The following NDRG1 variants were observed in gnomAD, a reference collection of about 807,000 sequenced individuals.
The protein encoded by NDRG1 is N-myc downstream regulated 1.
Under a neutral mutation model 56.9 loss-of-function variants are expected in NDRG1, and 32 were observed. That is an observed-to-expected ratio of 0.56 (90% CI 0.42 to 0.76). NDRG1 has a LOEUF of 0.76. Among genes scored for constraint, NDRG1 ranks in the 30% least tolerant of loss-of-function variants. The pLI, the probability that NDRG1 is intolerant of heterozygous loss-of-function variation, is 0.00. For synonymous variants in NDRG1, 211 were observed against 204.1 expected, an observed-to-expected ratio of 1.03 and a Z score of -0.29; for missense variants, 507 against 545.7, an observed-to-expected ratio of 0.93 and a Z score of 0.71.
intron 1 of NDRG1, among the ~76,000 whole-genome samples, chr8:133,295,922 C>T (rs1039481051): frequency 1.3e-5 from 2 of 152,128 alleles, no homozygotes; most frequent in African/African-American, 4.8e-5. Flanking sequence ...ACCAAGGGCC[C>T]TGCCTCCCCC....
At position 133,268,690 on chromosome 8, in the gene NDRG1, T is replaced by C. The variant is rs147656392; in HGVS notation, c.100-4038A>G. Among the ~76,000 whole-genome samples, 5 of 152,258 alleles carry C rather than the reference T, an allele frequency of 3.3e-5. No individual in the cohort carries two copies. The East Asian group carries it at 9.6e-4, about 29-fold the overall frequency. Reference sequence around the variant, plus strand: ...GGACTCTCCCAAGGTCATAGGTTTGTGGTGGTAGAACTAGGATTCGAACTC... The same window carrying C: ...GGACTCTCCCAAGGTCATAGGTTTGCGGTGGTAGAACTAGGATTCGAACTC... On this transcript the variant is annotated intron_variant, in intron 3 of 15. Coordinates refer to ENST00000323851, the MANE Select transcript of NDRG1 (RefSeq NM_006096.4).
chr8:133,280,625 G>A (rs963374213), intron 2 of NDRG1, among the ~76,000 whole-genome samples: 3 of 151,844 alleles, frequency 2.0e-5, no homozygotes, highest in African/African-American at 2.4e-5. Flanking sequence ...TAGTAGAGAC[G>A]GGATTTCACC....
At chr8:133,289,676 G>A (rs895238098) in intron 1 of NDRG1, among the ~76,000 whole-genome samples, 7 of 152,156 alleles carry the variant, frequency 4.6e-5, no homozygotes, top group African/African-American at 1.4e-4. Context: ...AACGTGACCC[G>A]TGACCCTGGG....
intron 9 of NDRG1, among the ~76,000 whole-genome samples, chr8:133,250,944 G>GT (rs147971417): frequency 0.018 from 2,693 of 149,580 alleles, 43 homozygotes; most frequent in Non-Finnish European, 0.03. Context: ...GAGAGAGAAT[G>GT]TTGCCTACTT....
intron 6 of NDRG1, 95 bp downstream of exon 6, chr8:133,259,073 T>A: frequency 7.5e-7 from 1 of 1,330,908 alleles, no homozygotes; most frequent in Non-Finnish European, 1.1e-6. Context: ...CAACCTTAAT[T>A]TTAGTGGTCA....
At chr8:133,292,016 T>C (rs1858457537) in intron 1 of NDRG1, among the ~76,000 whole-genome samples, 1 of 152,150 alleles carries the variant, frequency 6.6e-6, no homozygotes, top group Non-Finnish European at 1.5e-5. Context: ...AACCGAGATC[T>C]TCCTGGAGAT....
In NDRG1 at chr8:133,262,094, G is replaced by A. The variant is rs535621392; in HGVS notation, c.279C>T (p.His93=). 5.6e-6 allele frequency: 9 copies of A among 1,614,132 alleles called. No individual in the cohort carries two copies. The highest frequency in any genetic ancestry group is 1.6e-4 in the Middle Eastern group (1 of 6,062). The change falls in exon 5 of 16, where the codon CAC becomes CAT. Residue 93 remains histidine, a synonymous_variant. Transcript: ENST00000323851. The part of the protein sequence containing the change: ...QEITQHFAVC[H]VDAPGQQDGA... ...CGTCCTGCTGGCCAGGGGCGTCCAC[G>A]TGGCAGACGGCAAAGTGCTGGGTGA...
chr8:133,275,535 T>G (rs1266471882), intron 3 of NDRG1, among the ~76,000 whole-genome samples: 3 of 152,108 alleles, frequency 2.0e-5, no homozygotes. Flanking sequence ...TCTTTTAGAC[T>G]TCAGTGCAAT....
intron 1 of NDRG1, among the ~76,000 whole-genome samples, chr8:133,290,417 A>G (rs1222478737): frequency 1.3e-5 from 2 of 152,178 alleles, no homozygotes; most frequent in African/African-American, 4.8e-5. Flanking sequence ...CCTAGGAGGG[A>G]GGTGCCAGCA....
intron 1 of NDRG1, among the ~76,000 whole-genome samples, chr8:133,285,741 C>G (rs561092150): frequency 9.2e-5 from 14 of 152,320 alleles, no homozygotes; most frequent in African/African-American, 3.1e-4. Context: ...ACAAGAATGG[C>G]TTTATACAGA....
intron 5 of NDRG1, 94 bp downstream of exon 5, chr8:133,261,953 C>T (rs1856679009): frequency 1.4e-6 from 2 of 1,449,436 alleles, no homozygotes; most frequent in East Asian, 4.6e-5. Flanking sequence ...TATTTTACCA[C>T]AGTTAAAAAG....
rs916338599 is a variant in NDRG1, at chr8:133,254,703, C to T, written c.538-108G>A. 3.6e-5 allele frequency: 39 copies of T among 1,097,020 alleles called. No individual in the cohort carries two copies. In the South Asian group the frequency reaches 3.9e-4, roughly 11 times the overall value. 68.0% of individuals were successfully genotyped at this position (1,097,020 alleles called of 1,614,324 possible). On this transcript the variant is annotated intron_variant, in intron 8 of 15. Transcript: ENST00000323851. Reference sequence around the variant, plus strand: ...GCAGGGTGGCATTGCTGGACTCCCCCCTACATGCAGGCCTCAAGGACATCC... The same window carrying T: ...GCAGGGTGGCATTGCTGGACTCCCCTCTACATGCAGGCCTCAAGGACATCC...
chr8:133,286,602 T>C (rs984389802), intron 1 of NDRG1, among the ~76,000 whole-genome samples: 4 of 152,216 alleles, frequency 2.6e-5, no homozygotes, highest in Admixed American at 2.6e-4. Context: ...CATCTGCTTT[T>C]GGGAGCTGGT....
chr8:133,268,460 C>T (rs544475674), intron 3 of NDRG1, among the ~76,000 whole-genome samples: 16 of 152,304 alleles, frequency 1.1e-4, no homozygotes, highest in Middle Eastern at 3.4e-3. Flanking sequence ...CATTGCTAGC[C>T]TTGGTGGGAA....
chr8:133,269,454 T>A (rs1857081134), intron 3 of NDRG1, among the ~76,000 whole-genome samples: 1 of 152,212 alleles, frequency 6.6e-6, no homozygotes, highest in African/African-American at 2.4e-5. Context: ...GGGGCAGTAA[T>A]AAACAGCCAC....
Position 133,254,537 on chromosome 8 carries a change from A to G in NDRG1, c.594+2T>C. The G allele has an allele frequency of 6.2e-7, 1 of 1,614,010 alleles. No individual in the cohort carries two copies. The highest frequency in any genetic ancestry group is 1.1e-5 in the South Asian group (1 of 91,052). On this transcript the variant is annotated splice_donor_variant, in intron 9 of 15. Coordinates refer to ENST00000323851, the MANE Select transcript of NDRG1 (RefSeq NM_006096.4). LOFTEE classifies it high-confidence loss of function. ...ACAGATTTGCCAGACCACGCAACTC[A>G]CCTTCCCAAAAAGGTGGGACACCAC...
At chr8:133,288,715 G>C (rs1337195396) in intron 1 of NDRG1, among the ~76,000 whole-genome samples, 1 of 152,214 alleles carries the variant, frequency 6.6e-6, no homozygotes, top group African/African-American at 2.4e-5. Flanking sequence ...GCATGGCGGG[G>C]GAACCAGGGC....
chr8:133,269,481 C>T (rs940634819), intron 3 of NDRG1, among the ~76,000 whole-genome samples: 1 of 152,202 alleles, frequency 6.6e-6, no homozygotes, highest in African/African-American at 2.4e-5. Context: ...TTACCCCATG[C>T]CTGCTTTGAG....
At chr8:133,258,712 T>G (rs1856513222) in intron 6 of NDRG1, among the ~76,000 whole-genome samples, 1 of 152,248 alleles carries the variant, frequency 6.6e-6, no homozygotes, top group Non-Finnish European at 1.5e-5. Flanking sequence ...TTCTTCCCAC[T>G]CTTAAGCTTT....
Sources: gnomAD v4.1 joint callset for allele counts (sites outside exome capture counted in the v4.1 genomes callset) on GRCh38, gnomAD v4.1.1 for gene constraint, MANE v1.5 for transcripts, NCBI Gene and HGNC (gene_info 2026-07-23, HGNC 2026-07-21) for gene names.